FAN1: variants seen among roughly 807,000 people sequenced by gnomAD.
The protein encoded by FAN1 is fanconi-associated nuclease 1.
In FAN1, 91 loss-of-function variants were observed where a neutral mutation model predicts 104.9. The ratio of observed to expected loss-of-function variants is 0.87; its 90% CI spans 0.73 to 1.03. The LOEUF (loss-of-function observed/expected upper bound fraction) is 1.03, where lower values mean the gene tolerates loss of function less well. Among genes scored for constraint, FAN1 ranks in the 50% least tolerant of loss-of-function variants. FAN1 has a pLI of 0.00. For synonymous variants in FAN1, 478 were observed against 457.6 expected (o/e 1.04, Z -0.57); for missense variants, 1,263 against 1,239.9 (o/e 1.02, Z -0.28).
Position 30,905,802 on chromosome 15 carries a change from T to A in FAN1, c.1139T>A (p.Leu380His), listed in dbSNP as rs751350053. The stretch of plus-strand genomic sequence containing the variant: ...CATCCTTACTACCTTCGGAGTTTCC[T>A]TGTGGTGCTGAAAACCGTACTTGAG... The part of the protein sequence containing the change: ...TGHPYYLRSF[L>H]VVLKTVLENE... Residue 380 changes from leucine (L) to histidine (H), a missense_variant, in exon 2 of 15, where the codon CTT becomes CAT. Physicochemically the swap from Leu to His is moderately conservative, Grantham distance 99. This residue lies in a region of FAN1 where 682 missense variants were observed against 571.1 expected (regional missense o/e 1.19). Transcript: ENST00000362065. 6.2e-6 allele frequency: 10 copies of A among 1,614,216 alleles called. No homozygotes were observed. The East Asian group carries it at 6.7e-5, about 11-fold the overall frequency.
intron 14 of FAN1, 60 bp from the exon 15 acceptor site, chr15:30,941,506 T>C (rs1383097811): frequency 1.2e-6 from 2 of 1,611,766 alleles, no homozygotes; most frequent in Non-Finnish European, 1.7e-6. Context: ...TAGACAACCA[T>C]ATTTTGGCCC....
In FAN1 at chr15:30,928,564, G is replaced by A. The variant is rs367829539; in HGVS notation, c.2500G>A (p.Glu834Lys). The change falls in exon 11 of 15, where the codon GAA becomes AAA. Residue 834 changes from glutamate (E) to lysine (K), a missense_variant. By Grantham distance (56) the Glu-to-Lys change is moderately conservative. Coordinates refer to ENST00000362065, the MANE Select transcript of FAN1 (RefSeq NM_014967.5). ...TGACCTTGTCTTAGGGATTCATGGCGAAGGGTCCACCTTCAGCACCCTGTA... is the reference window on the plus strand; with the variant it reads ...TGACCTTGTCTTAGGGATTCATGGCAAAGGGTCCACCTTCAGCACCCTGTA... ...RSGFDQGIHGEGSTFSTLYGL... is the reference protein window; with the variant it reads ...RSGFDQGIHGKGSTFSTLYGL... The A allele has an allele frequency of 5.0e-6, 8 of 1,610,064 alleles. No homozygotes were observed. The highest frequency in any genetic ancestry group is 1.4e-5 in the African/African-American group (1 of 73,932).
At position 30,908,558 on chromosome 15, in the gene FAN1, C is replaced by T. The variant is rs369500937; in HGVS notation, c.1375+300C>T. Among the ~76,000 whole-genome samples the T allele has an allele frequency of 1.2e-4, 18 of 152,230 alleles. No homozygotes were observed. In the East Asian group the frequency reaches 2.3e-3, roughly 20 times the overall value. On this transcript the variant is annotated intron_variant, in intron 3 of 14. Coordinates refer to ENST00000362065, the MANE Select transcript of FAN1 (RefSeq NM_014967.5). ...ATGGGTGTGTGCCACAGAAGAAATACATCCCGGCCGGGCACGGTGGCTCAT... is the reference window on the plus strand; with the variant it reads ...ATGGGTGTGTGCCACAGAAGAAATATATCCCGGCCGGGCACGGTGGCTCAT...
At chr15:30,940,129 T>G (rs2062989388) in intron 14 of FAN1, 1 of 985,318 alleles carries the variant, frequency 1.0e-6, no homozygotes, top group Admixed American at 6.2e-5. Context: ...GGATGGCAGT[T>G]TAAGAAACAG....
In FAN1 at chr15:30,913,900, C is replaced by A. The variant is rs753490682; in HGVS notation, c.1620C>A (p.Gly540=). Residue 540 remains glycine, a synonymous_variant, in exon 5 of 15, where the codon GGC becomes GGA. Transcript: ENST00000362065. ...GACAGTCAGTACGAATCTGTAAAGGCCCCAGGGCTGTGTTTTCCCGCATCT... is the reference window on the plus strand; with the variant it reads ...GACAGTCAGTACGAATCTGTAAAGGACCCAGGGCTGTGTTTTCCCGCATCT... ...LAGQSVRICK[G]PRAVFSRILL... is the part of the protein sequence containing the mutation. 4 of 1,614,016 alleles carry A rather than the reference C, an allele frequency of 2.5e-6. No homozygotes were observed. In the South Asian group the frequency reaches 3.3e-5, roughly 13 times the overall value.
intron 10 of FAN1, chr15:30,927,387 C>T (rs1056697727): frequency 5.1e-6 from 5 of 985,566 alleles, no homozygotes; most frequent in Non-Finnish European, 2.4e-6. Flanking sequence ...TGGCAACAGC[C>T]AGGAGTCCTG....
At chr15:30,938,873 G>A in intron 14 of FAN1, 1 of 952,208 alleles carries the variant, frequency 1.1e-6, no homozygotes, top group Non-Finnish European at 1.3e-6. Flanking sequence ...GTATGGGTAG[G>A]AGAAGATGCC....
Position 30,918,223 on chromosome 15 carries a change from G to C in FAN1, c.1871G>C (p.Trp624Ser), listed in dbSNP as rs1234839502. ...TCTTCCGCAATGGCCAATGGGAACT[G>C]GGAAGAAGCTAAGGAGCTCGCTCAG... ...DISSAMANGN[W>S]EEAKELAQCA... The change falls in exon 6 of 15, where the codon TGG (tryptophan) becomes TCG (serine). Residue 624 changes from tryptophan (W) to serine (S), a missense_variant. Around this residue, in one of 2 missense-constraint regions of FAN1, gnomAD observed 581 missense variants for 668.8 expected, o/e 0.87. Coordinates refer to ENST00000362065, the MANE Select transcript of FAN1 (RefSeq NM_014967.5). 1 of 1,613,920 alleles carries C rather than the reference G, an allele frequency of 6.2e-7. No homozygotes were observed. Among genetic ancestry groups the C allele is most frequent in the African/African-American group, 1.3e-5 (1 of 74,886 alleles).
intron 10 of FAN1, 31 bp from the exon 11 acceptor site, chr15:30,928,506 TTGTGTGTGTGTGTGTG>T (rs61136501): frequency 2.0e-6 from 3 of 1,484,518 alleles, no homozygotes; most frequent in African/African-American, 1.5e-5. Flanking sequence ...AAAACAGATT[TTGTGTGTGTGTGTGTG>T]TGTGTGTGTG....
Position 30,913,073 on chromosome 15 carries a change from C to T in FAN1, c.1578-785C>T, listed in dbSNP as rs190992619. 3.2e-3 allele frequency among the ~76,000 whole-genome samples: 492 copies of T among 152,324 alleles called. 2 individuals carry two copies. The highest frequency in any genetic ancestry group is 0.011 in the African/African-American group (453 of 41,558). On this transcript the variant is annotated intron_variant, in intron 4 of 14. Transcript: ENST00000362065. ...GGGTCTGCAACCCCCAGGCCATAGA[C>T]CGATAACTGTCCATTGCCTGTTAGG...
Position 30,905,394 on chromosome 15 carries a change from C to T in FAN1, c.731C>T (p.Ala244Val), listed in dbSNP as rs200798913. Residue 244 changes from alanine to valine, a missense_variant, in exon 2 of 15, where the codon GCT (alanine) becomes GTT (valine). Physicochemically the swap from Ala to Val is moderately conservative, Grantham distance 64. Coordinates refer to ENST00000362065, the MANE Select transcript of FAN1 (RefSeq NM_014967.5). ...SKIMEAESQKATRECEKSALT... is the reference protein window; with the variant it reads ...SKIMEAESQKVTRECEKSALT... ...ATAATGGAAGCCGAAAGCCAAAAGGCTACCCGGGAATGTGAGAAATCAGCC... is the reference window on the plus strand; with the variant it reads ...ATAATGGAAGCCGAAAGCCAAAAGGTTACCCGGGAATGTGAGAAATCAGCC... 26 of 1,614,134 alleles carry T rather than the reference C, an allele frequency of 1.6e-5. No individual in the cohort carries two copies. In the East Asian group the frequency reaches 5.3e-4, roughly 33 times the overall value.
chr15:30,937,299 A>C (rs1164720131), intron 14 of FAN1, 40 bp downstream of exon 14: 1 of 1,563,320 alleles, frequency 6.4e-7, no homozygotes, highest in Non-Finnish European at 8.7e-7. Flanking sequence ...TTAATGTAAG[A>C]TTTTCAAGAG....
Position 30,929,225 on chromosome 15 carries a change from CA to C in FAN1, c.2616del (p.Asp873ThrfsTer17), listed in dbSNP as rs750056424. ...ACQAFPLDLC[T>X]DSFFTSRRPA... ...CAGGCATTCCCCCTGGACTTGTGCA[CA>C]GACAGCTTCTTCACAAGCAGACGCC... On this transcript the variant is annotated frameshift_variant, in exon 12 of 15. Coordinates refer to ENST00000362065, the MANE Select transcript of FAN1 (RefSeq NM_014967.5). LOFTEE classifies it high-confidence loss of function. 92 of 1,612,588 alleles carry C rather than the reference CA, an allele frequency of 5.7e-5. No individual in the cohort carries two copies. The highest frequency in any genetic ancestry group is 5.1e-4 in the South Asian group (46 of 90,844).
At chr15:30,929,615 AAT>A (rs1196441172) in intron 12 of FAN1, among the ~76,000 whole-genome samples, 3 of 129,826 alleles carry the variant, frequency 2.3e-5, no homozygotes, top group South Asian at 2.1e-4. Context: ...TTACATATAT[AAT>A]ATATATTATA....
chr15:30,906,561 A>T (rs1455753317), intron 2 of FAN1: 1 of 454,248 alleles, frequency 2.2e-6, no homozygotes, highest in Non-Finnish European at 4.4e-6. Flanking sequence ...GGCCATGATG[A>T]CTCTGTGGAA....
intron 5 of FAN1, among the ~76,000 whole-genome samples, chr15:30,916,075 T>G (rs2062192589): frequency 6.6e-6 from 1 of 152,220 alleles, no homozygotes; most frequent in South Asian, 2.1e-4. Context: ...GTCAGGAAGC[T>G]CAGTATCTTA....
In FAN1 at chr15:30,920,545, A is replaced by T. The variant is rs1232230902; in HGVS notation, c.1944A>T (p.Arg648Ser). Residue 648 changes from arginine (R) to serine (S), a missense_variant and splice_region_variant, in exon 7 of 15, where the codon AGA becomes AGT. Transcript: ENST00000362065. ...WNRLKNHPSLRCHEDLPLFLR... is the reference protein window; with the variant it reads ...WNRLKNHPSLSCHEDLPLFLR... ...CTACTGGTATATGTCTTCATTTTAGATGCCACGAAGATTTACCACTCTTCC... is the reference window on the plus strand; with the variant it reads ...CTACTGGTATATGTCTTCATTTTAGTTGCCACGAAGATTTACCACTCTTCC... The T allele has an allele frequency of 3.1e-6, 5 of 1,599,772 alleles. No individual in the cohort carries two copies. Among genetic ancestry groups the T allele is most frequent in the Non-Finnish European group, 4.3e-6 (5 of 1,168,844 alleles).
At chr15:30,909,797 G>T (rs556395538) in intron 3 of FAN1, among the ~76,000 whole-genome samples, 2 of 152,228 alleles carry the variant, frequency 1.3e-5, no homozygotes, top group Non-Finnish European at 2.9e-5. Flanking sequence ...ACACGGCATA[G>T]TTCTCCTTTC....
At position 30,908,101 on chromosome 15, in the gene FAN1, TCTTAA is replaced by T. The variant is rs1298245119; in HGVS notation, c.1235-13_1235-9del. On this transcript the variant is annotated splice_polypyrimidine_tract_variant and intron_variant, in intron 2 of 14. Coordinates refer to ENST00000362065, the MANE Select transcript of FAN1 (RefSeq NM_014967.5). The stretch of plus-strand genomic sequence containing the variant: ...TAAATGCAGTGATTTTCAACATTTT[TCTTAA>T]CTTTATTGCAGCTACTGGTCAGAAG... The T allele has an allele frequency of 1.9e-6, 3 of 1,582,114 alleles. No individual in the cohort carries two copies. In the Admixed American group the frequency reaches 5.7e-5, roughly 30 times the overall value.
Sources: allele counts gnomAD v4.1 joint callset (sites outside exome capture counted in the v4.1 genomes callset), GRCh38; gene constraint gnomAD v4.1.1; regional missense constraint gnomAD v4.1.1; transcripts MANE v1.5; gene names NCBI Gene and HGNC (gene_info 2026-07-23, HGNC 2026-07-21).